The following NLRP8 variants were observed in gnomAD, a reference collection of about 807,000 sequenced individuals.
The protein encoded by NLRP8 is NACHT, LRR and PYD domains-containing protein 8.
A neutral mutation model predicts 88.7 loss-of-function variants in NLRP8; 86 were observed. The ratio of observed to expected loss-of-function variants is 0.97; its 90% CI spans 0.81 to 1.16. The LOEUF is 1.16. Among genes scored for constraint, NLRP8 ranks in the 50% most tolerant of loss-of-function variants. NLRP8 has a pLI of 0.00. For synonymous variants in NLRP8, 504 were observed against 494.6 expected (o/e 1.02, Z -0.25); for missense variants, 1,342 against 1,286.5 (o/e 1.04, Z -0.66).
chr19:55,954,658 T>A lies in NLRP8; in HGVS notation c.600T>A (p.Gly200=). 1 of 1,614,008 alleles carries A rather than the reference T, an allele frequency of 6.2e-7. No homozygotes were observed. The highest frequency in any genetic ancestry group is 8.5e-7 in the Non-Finnish European group (1 of 1,180,008). The change falls in exon 3 of 10, where the codon GGT becomes GGA. Residue 200 remains glycine (G), a synonymous_variant. Transcript: ENST00000291971. ...TGCTTCTGCCCAAAAGACCCCAGGGTAGACAGCCCAAGACCGTGGCCATAC... is the reference window on the plus strand; with the variant it reads ...TGCTTCTGCCCAAAAGACCCCAGGGAAGACAGCCCAAGACCGTGGCCATAC...
chr19:55,966,842 T>G (rs531542744), intron 5 of NLRP8, among the ~76,000 whole-genome samples: 1 of 152,208 alleles, frequency 6.6e-6, no homozygotes, highest in Non-Finnish European at 1.5e-5. Context: ...AAAGTGCAAT[T>G]TGACCATGCT....
chr19:55,972,207 C>G (rs73613432), intron 6 of NLRP8, among the ~76,000 whole-genome samples: 1 of 150,406 alleles, frequency 6.6e-6, no homozygotes. Context: ...CTCTGCCTCC[C>G]TGCTTCAAGT....
intron 1 of NLRP8, among the ~76,000 whole-genome samples, chr19:55,948,591 A>G (rs1057433679): frequency 1.3e-5 from 2 of 152,064 alleles, no homozygotes; most frequent in African/African-American, 4.8e-5. Flanking sequence ...ACCCACCACC[A>G]TGCCTGGGTA....
At chr19:55,949,748 T>C (rs1441293212) in intron 1 of NLRP8, among the ~76,000 whole-genome samples, 4 of 152,114 alleles carry the variant, frequency 2.6e-5, no homozygotes, top group African/African-American at 9.7e-5. Context: ...TTGGTAAGAA[T>C]GGAGAAAACG....
At chr19:55,962,373 G>A (rs2123201159) in intron 4 of NLRP8, 136 bp downstream of exon 4, 3 of 926,624 alleles carry the variant, frequency 3.2e-6, no homozygotes, top group Non-Finnish European at 4.8e-6. Context: ...AGGTGCAGGA[G>A]GAATGAGTCA....
In NLRP8 at chr19:55,947,945, T is replaced by C. The variant is rs886637920; in HGVS notation, c.43T>C (p.Ser15Pro). 1.9e-6 allele frequency: 3 copies of C among 1,614,016 alleles called. No homozygotes were observed. The highest frequency in any genetic ancestry group is 2.2e-5 in the East Asian group (1 of 44,872). Residue 15 changes from serine to proline, a missense_variant, in exon 1 of 10, where the codon TCA becomes CCA. By Grantham distance (74) the Ser-to-Pro change is moderately conservative. Coordinates refer to ENST00000291971, the MANE Select transcript of NLRP8 (RefSeq NM_176811.2). ...ACCCTCTGACACCCCCATTCCCTTT[T>C]CATCCTCCTCCACTCACAGTTCTCA...
rs1324712143 is a variant in NLRP8, at chr19:55,988,425, AATATATATATGTGTGTGTGTATATAT to A, written c.*523_*548del. On this transcript the variant is annotated 3_prime_UTR_variant, in exon 10 of 10. Transcript: ENST00000291971. ...GAAAAAAAAAATACATATACACATA[AATATATATATGTGTGTGTGTATATAT>A]ATATATATATATATATATGCTATAT... 1.2e-5 allele frequency: 1 copy of A among 85,104 alleles called. No individual in the cohort carries two copies. Among genetic ancestry groups the A allele is most frequent in the East Asian group, 3.3e-4 (1 of 3,032 alleles). 5.3% of individuals were successfully genotyped at this position (85,104 alleles called of 1,614,324 possible).
intron 9 of NLRP8, among the ~76,000 whole-genome samples, chr19:55,980,232 G>A (rs1980515454): frequency 1.3e-5 from 2 of 152,086 alleles, no homozygotes; most frequent in African/African-American, 2.4e-5. Context: ...AAATTGGGAT[G>A]GTGTCTTCTC....
chr19:55,970,797 T>C (rs531571578), intron 6 of NLRP8, 101 bp downstream of exon 6: 3 of 1,449,844 alleles, frequency 2.1e-6, no homozygotes, highest in East Asian at 4.6e-5. Flanking sequence ...GGAAGGTACA[T>C]GTATAGGAGC....
At chr19:55,965,128 T>C (rs1479646166) in intron 4 of NLRP8, among the ~76,000 whole-genome samples, 1 of 151,586 alleles carries the variant, frequency 6.6e-6, no homozygotes, top group Non-Finnish European at 1.5e-5. Context: ...TCTACAAAAA[T>C]TTTTCTAAAA....
chr19:55,954,221 T>C (rs561427810), intron 2 of NLRP8, among the ~76,000 whole-genome samples: 2 of 152,200 alleles, frequency 1.3e-5, no homozygotes, highest in Non-Finnish European at 2.9e-5. Flanking sequence ...CTGCTGGACC[T>C]GAAACTATGG....
chr19:55,955,131 A>G lies in NLRP8; in HGVS notation c.1073A>G (p.Asn358Ser). The change falls in exon 3 of 10, where the codon AAT becomes AGT. Residue 358 changes from asparagine to serine, a missense_variant. Asn to Ser is a conservative substitution (Grantham distance 46). Transcript: ENST00000291971. ...TCTCTCGTAACCCTTCCGGGGTTTA[A>G]TACGATGGAAAAAATCAAGTATTTC... is the stretch of plus-strand genomic sequence containing the variant. 6.2e-7 allele frequency: 1 copy of G among 1,614,064 alleles called. No homozygotes were observed. Among genetic ancestry groups the G allele is most frequent in the Non-Finnish European group, 8.5e-7 (1 of 1,179,922 alleles).
chr19:55,971,410 C>A (rs1980067896), intron 6 of NLRP8, among the ~76,000 whole-genome samples: 1 of 132,844 alleles, frequency 7.5e-6, no homozygotes, highest in African/African-American at 2.8e-5. Flanking sequence ...CACTGCACTC[C>A]AGCCTGAATG....
intron 5 of NLRP8, among the ~76,000 whole-genome samples, chr19:55,967,003 A>G (rs1004887773): frequency 6.6e-6 from 1 of 152,210 alleles, no homozygotes; most frequent in African/African-American, 2.4e-5. Flanking sequence ...TCAGGCATGC[A>G]ATGTAAAATA....
chr19:55,956,175 G>A, intron 3 of NLRP8, 75 bp downstream of exon 3: 3 of 1,408,676 alleles, frequency 2.1e-6, no homozygotes, highest in Non-Finnish European at 2.9e-6. Flanking sequence ...GGTGTTTAGG[G>A]GGTCAATCTG....
intron 5 of NLRP8, among the ~76,000 whole-genome samples, chr19:55,968,089 A>C (rs1979920622): frequency 6.6e-6 from 1 of 152,240 alleles, no homozygotes; most frequent in Non-Finnish European, 1.5e-5. Context: ...CATGAATTTA[A>C]TATAATTTTC....
Position 55,956,912 on chromosome 19 carries a change from C to A in NLRP8, c.2042+812C>A, listed in dbSNP as rs556443508. Among the ~76,000 whole-genome samples the A allele has an allele frequency of 3.3e-4, 50 of 152,262 alleles. 1 individual carries two copies. Among genetic ancestry groups the A allele is most frequent in the African/African-American group, 1.1e-3 (47 of 41,556 alleles). The stretch of plus-strand genomic sequence containing the variant: ...GGCTCAAACAATTCTCCCACCTCAG[C>A]CTCCCAGGTATCTGGAATCACAGGC... On this transcript the variant is annotated intron_variant, in intron 3 of 9. Coordinates refer to ENST00000291971, the MANE Select transcript of NLRP8 (RefSeq NM_176811.2).
chr19:55,950,217 C>G (rs1269356288), intron 1 of NLRP8, among the ~76,000 whole-genome samples: 4 of 151,298 alleles, frequency 2.6e-5, no homozygotes, highest in African/African-American at 9.7e-5. Context: ...TCAAGACCAG[C>G]CCGGCCAACA....
At chr19:55,972,923 ATG>A (rs762444925) in intron 6 of NLRP8, among the ~76,000 whole-genome samples, 1 of 141,658 alleles carries the variant, frequency 7.1e-6, no homozygotes, top group Non-Finnish European at 1.5e-5. Context: ...TGCTATAAAC[ATG>A]TGTGTGTAAG....
Sources: gnomAD v4.1 joint callset for allele counts (sites outside exome capture counted in the v4.1 genomes callset) on GRCh38, gnomAD v4.1.1 for gene constraint, MANE v1.5 for transcripts, NCBI Gene and HGNC (gene_info 2026-07-23, HGNC 2026-07-21) for gene names.